Variants in NRG1 observed in about 807,000 individuals in gnomAD.
NRG1 encodes neuregulin 1, also known as pro-neuregulin-1, membrane-bound isoform.
In NRG1, 18 loss-of-function variants were observed where a neutral mutation model predicts 63.8. The ratio of observed to expected loss-of-function variants is 0.28; its 90% CI spans 0.19 to 0.42. The LOEUF is 0.42. Among genes scored for constraint, NRG1 ranks in the 10% least tolerant of loss-of-function variants. The pLI, the probability that NRG1 is intolerant of heterozygous loss-of-function variation, is 1.00. For synonymous variants in NRG1, 302 were observed against 301.3 expected (o/e 1.00, Z -0.02); for missense variants, 762 against 814.7 (o/e 0.94, Z 0.79).
chr8:32,073,309 A>T (rs564077796), intron 1 of NRG1, among the ~76,000 whole-genome samples: 15 of 152,298 alleles, frequency 9.8e-5, no homozygotes, highest in Middle Eastern at 3.4e-3. Flanking sequence ...TCGGGTTAAT[A>T]AGGGGAAGTT....
chr8:31,953,619 T>G (rs1447231120), intron 1 of NRG1, among the ~76,000 whole-genome samples: 1 of 152,214 alleles, frequency 6.6e-6, no homozygotes, highest in Admixed American at 6.5e-5. Flanking sequence ...AGTAGTTCAC[T>G]GTAAAGGCCA....
intron 1 of NRG1, among the ~76,000 whole-genome samples, chr8:32,501,850 G>T (rs990134525): frequency 6.6e-6 from 1 of 152,104 alleles, no homozygotes; most frequent in Non-Finnish European, 1.5e-5. Context: ...TAGACTACTC[G>T]GTATAGTGGC....
At chr8:31,819,878 A>T (rs1028684585) in intron 1 of NRG1, among the ~76,000 whole-genome samples, 1 of 152,220 alleles carries the variant, frequency 6.6e-6, no homozygotes, top group East Asian at 1.9e-4. Context: ...TAGGTAAAAA[A>T]TTCAAGATGT....
intron 5 of NRG1, among the ~76,000 whole-genome samples, chr8:32,645,791 T>C (rs1853390082): frequency 6.6e-6 from 1 of 152,198 alleles, no homozygotes; most frequent in African/African-American, 2.4e-5. Flanking sequence ...TTCAGATGCA[T>C]ATTGTGTGCA....
intron 5 of NRG1, among the ~76,000 whole-genome samples, chr8:32,718,529 C>A (rs528347716): frequency 6.6e-6 from 1 of 152,256 alleles, no homozygotes; most frequent in South Asian, 2.1e-4. Context: ...AAAAGCCTAA[C>A]TCTCTTCATG....
chr8:32,392,051 T>C (rs1811840642), intron 1 of NRG1, among the ~76,000 whole-genome samples: 1 of 152,200 alleles, frequency 6.6e-6, no homozygotes, highest in South Asian at 2.1e-4. Flanking sequence ...GTTACTCTTA[T>C]AAATCATTAT....
intron 1 of NRG1, among the ~76,000 whole-genome samples, chr8:32,376,061 T>G (rs10954836): frequency 6.6e-6 from 1 of 152,174 alleles, no homozygotes; most frequent in African/African-American, 2.4e-5. Flanking sequence ...AATAATCATA[T>G]TTCAATATCT....
intron 1 of NRG1, among the ~76,000 whole-genome samples, chr8:32,495,292 T>G (rs1827063930): frequency 6.6e-6 from 1 of 152,154 alleles, no homozygotes. Context: ...GATCTGGTGG[T>G]TTTATAAAGG....
intron 1 of NRG1, among the ~76,000 whole-genome samples, chr8:32,447,826 G>A (rs1218238625): frequency 6.7e-6 from 1 of 149,658 alleles, no homozygotes; most frequent in Non-Finnish European, 1.5e-5. Flanking sequence ...CCTGGCCTGG[G>A]CAACAAAGCC....
chr8:32,275,229 C>T (rs1851965594), intron 1 of NRG1, among the ~76,000 whole-genome samples: 1 of 152,162 alleles, frequency 6.6e-6, no homozygotes, highest in Non-Finnish European at 1.5e-5. Flanking sequence ...TTCAGTTGTC[C>T]ATTCAGTCAA....
rs367543162 is a variant in NRG1 at position 32,756,418 on chromosome 8, G to T, written c.810G>T (p.Lys270Asn). ...TTATGTCCAGGAAACAGCGGAAAAA[G>T]CTGCATGACCGTCTTCGGCAGAGCC... is the stretch of plus-strand genomic sequence containing the variant. The change falls in exon 9 of 12, where the codon AAG becomes AAT. Residue 270 changes from lysine to asparagine, a missense_variant. Around this residue, in one of 3 missense-constraint regions of NRG1, gnomAD observed 503 missense variants for 506.8 expected, o/e 0.99. Coordinates refer to ENST00000356819, the Ensembl canonical transcript of NRG1. 3.7e-6 allele frequency: 6 copies of T among 1,610,844 alleles called. No individual in the cohort carries two copies. The African/African-American group carries it at 6.7e-5, about 18-fold the overall frequency.
intron 5 of NRG1, among the ~76,000 whole-genome samples, chr8:32,707,003 AT>A (rs1173943560): frequency 3.3e-5 from 5 of 152,056 alleles, no homozygotes; most frequent in African/African-American, 7.2e-5. Flanking sequence ...CAGTTTATTT[AT>A]TTTTTTAATT....
At chr8:32,387,287 A>C (rs1038781262) in intron 1 of NRG1, among the ~76,000 whole-genome samples, 7 of 152,258 alleles carry the variant, frequency 4.6e-5, no homozygotes, top group Non-Finnish European at 1.0e-4. Flanking sequence ...GATGTCATCA[A>C]CAATGGCTTT....
chr8:32,027,352 G>A (rs75962826), intron 1 of NRG1, among the ~76,000 whole-genome samples: 2,342 of 152,052 alleles, frequency 0.015, 59 homozygotes, highest in African/African-American at 0.051. Flanking sequence ...TGAGCTGGGT[G>A]TCTCTATTTT....
chr8:31,984,321 C>G (rs928588369), intron 1 of NRG1, among the ~76,000 whole-genome samples: 2 of 152,010 alleles, frequency 1.3e-5, no homozygotes, highest in African/African-American at 4.8e-5. Context: ...CTTAAGCCCC[C>G]TTTCATAAAA....
chr8:31,922,372 T>C (rs1022398695), intron 1 of NRG1, among the ~76,000 whole-genome samples: 1 of 152,102 alleles, frequency 6.6e-6, no homozygotes, highest in Non-Finnish European at 1.5e-5. Flanking sequence ...TCACTAAATG[T>C]GGAATTGAGA....
At chr8:32,600,255 TC>T (rs1844092008) in intron 2 of NRG1, among the ~76,000 whole-genome samples, 1 of 151,628 alleles carries the variant, frequency 6.6e-6, no homozygotes, top group African/African-American at 2.4e-5. Flanking sequence ...TAAAAAAAAA[TC>T]ATAATTTCCT....
At chr8:32,320,052 C>T (rs1239883576) in intron 1 of NRG1, among the ~76,000 whole-genome samples, 4 of 152,128 alleles carry the variant, frequency 2.6e-5, no homozygotes, top group Non-Finnish European at 5.9e-5. Flanking sequence ...AGGTCTGCTA[C>T]TTAAGAGCTG....
At chr8:32,126,267 G>C (rs183932703) in intron 1 of NRG1, among the ~76,000 whole-genome samples, 57 of 152,002 alleles carry the variant, frequency 3.7e-4, no homozygotes, top group African/African-American at 1.3e-3. Context: ...TAGTATGATA[G>C]AATGTGTAAC....
Sources: gnomAD v4.1 joint callset for allele counts (sites outside exome capture counted in the v4.1 genomes callset) on GRCh38, gnomAD v4.1.1 for gene constraint, gnomAD v4.1.1 regional missense constraint, MANE v1.5 for transcripts, NCBI Gene and HGNC (gene_info 2026-07-23, HGNC 2026-07-21) for gene names.